CSMD1: variants seen among roughly 807,000 people sequenced by gnomAD.
CSMD1 encodes CUB and Sushi multiple domains 1, also known as CUB and sushi domain-containing protein 1.
Under a neutral mutation model 417.5 loss-of-function variants are expected in CSMD1, and 213 were observed. The ratio of observed to expected loss-of-function variants is 0.51; its 90% confidence interval spans 0.46 to 0.57. The LOEUF (loss-of-function observed/expected upper bound fraction) is 0.57, where lower values mean the gene tolerates loss of function less well. CSMD1 is among the 20% of genes least tolerant of loss of function. The probability of loss-of-function intolerance (pLI) is 0.00; values close to 1 mark genes in which losing one functional copy is unlikely to be tolerated. For missense variants in CSMD1, 6,923 were observed against 4,529.7 expected (o/e 1.53, Z -15.17); for synonymous variants, 2,862 against 1,736.8 (o/e 1.65, Z -16.11).
chr8:4,787,773 A>G, intron 1 of CSMD1: 5 of 1,579,444 alleles, frequency 3.2e-6, no homozygotes, highest in South Asian at 1.1e-5. Context: ...GCTTCGCTGG[A>G]CTTGTTACAG....
chr8:4,348,689 C>T (rs1223519719), intron 3 of CSMD1, among the ~76,000 whole-genome samples: 4 of 151,536 alleles, frequency 2.6e-5, no homozygotes, highest in Admixed American at 6.6e-5. Flanking sequence ...CGTACATATC[C>T]GCTTAAGTGA....
intron 3 of CSMD1, among the ~76,000 whole-genome samples, chr8:4,182,184 T>C (rs1213563440): frequency 6.6e-6 from 1 of 152,128 alleles, no homozygotes; most frequent in Non-Finnish European, 1.5e-5. Context: ...ATTAGTTTTC[T>C]GATTAGGTTC....
rs1804575000 is a variant in CSMD1 at position 4,897,504 on chromosome 8, C to T, written c.85+96828G>A. Among the ~76,000 whole-genome samples, 5 of 152,000 alleles carry T rather than the reference C, an allele frequency of 3.3e-5. No individual in the cohort carries two copies. In the South Asian group the frequency reaches 1.0e-3, roughly 31 times the overall value. Reference sequence around the variant, plus strand: ...GGGTTGCTGTAGACCCTGGCTATAACCTCTCATATCCTATTCGGTGACAAA... The same window carrying T: ...GGGTTGCTGTAGACCCTGGCTATAATCTCTCATATCCTATTCGGTGACAAA... On this transcript the variant is annotated intron_variant, in intron 1 of 69. Coordinates refer to ENST00000635120, the MANE Select transcript of CSMD1 (RefSeq NM_033225.6).
intron 52 of CSMD1, among the ~76,000 whole-genome samples, chr8:3,012,708 A>C (rs1205056903): frequency 6.6e-6 from 1 of 152,206 alleles, no homozygotes; most frequent in Non-Finnish European, 1.5e-5. Flanking sequence ...TCTTGTTTGG[A>C]AGATCCACCT....
intron 1 of CSMD1, among the ~76,000 whole-genome samples, chr8:4,943,797 C>G (rs140112157): frequency 5.9e-5 from 9 of 152,102 alleles, no homozygotes; most frequent in African/African-American, 2.2e-4. Context: ...TAGAAAAAAT[C>G]CCTTATGAAC....
rs370890537 is a variant in CSMD1 at position 4,858,650 on chromosome 8, G to A, written c.85+135682C>T. 9.2e-5 allele frequency among the ~76,000 whole-genome samples: 14 copies of A among 151,872 alleles called. No individual in the cohort carries two copies. In the East Asian group the frequency reaches 1.7e-3, roughly 19 times the overall value. ...ACAAACAGAGAGCCAAATCACGAGT[G>A]AACTCCCATTCACAATTGCTTCAAA... On this transcript the variant is annotated intron_variant, in intron 1 of 69. Coordinates refer to ENST00000635120, the MANE Select transcript of CSMD1 (RefSeq NM_033225.6).
chr8:4,746,406 C>T (rs1810955000), intron 1 of CSMD1, among the ~76,000 whole-genome samples: 2 of 152,184 alleles, frequency 1.3e-5, no homozygotes, highest in South Asian at 2.1e-4. Context: ...CATTTTAAGG[C>T]AAATGCAGCA....
In CSMD1 at chr8:3,768,492, G is replaced by A. The variant is rs558117017; in HGVS notation, c.819-14450C>T. Among the ~76,000 whole-genome samples, 12 of 152,132 alleles carry A rather than the reference G, an allele frequency of 7.9e-5. No individual in the cohort carries two copies. In the South Asian group the frequency reaches 2.5e-3, roughly 32 times the overall value. ...TTTTTTCTGAAAATTTCTAGTTTAT[G>A]CCATAAACAAGAATATAAAATAGCA... On this transcript the variant is annotated intron_variant, in intron 5 of 69. Transcript: ENST00000635120.
At chr8:3,569,646 T>C (rs1440695072) in intron 10 of CSMD1, among the ~76,000 whole-genome samples, 2 of 152,218 alleles carry the variant, frequency 1.3e-5, no homozygotes, top group Non-Finnish European at 2.9e-5. Context: ...TGTTTCTCTT[T>C]TCTCTTATGT....
intron 1 of CSMD1, among the ~76,000 whole-genome samples, chr8:4,906,505 G>GT (rs1805286938): frequency 1.3e-5 from 2 of 151,908 alleles, no homozygotes. Flanking sequence ...CACACACTTT[G>GT]TTTTTCAGTT....
chr8:3,385,455 C>T (rs1241399174), intron 18 of CSMD1, among the ~76,000 whole-genome samples: 2 of 151,612 alleles, frequency 1.3e-5, no homozygotes, highest in South Asian at 2.1e-4. Context: ...CTGATTGTTG[C>T]TAAAAGTCAA....
At chr8:4,484,071 G>C (rs1192903483) in intron 2 of CSMD1, among the ~76,000 whole-genome samples, 2 of 152,066 alleles carry the variant, frequency 1.3e-5, no homozygotes, top group South Asian at 4.1e-4. Context: ...CTCAGCATCA[G>C]TTCAAAATGA....
chr8:4,287,188 T>C (rs188216031), intron 3 of CSMD1, among the ~76,000 whole-genome samples: 1 of 152,354 alleles, frequency 6.6e-6, no homozygotes, highest in East Asian at 1.9e-4. Context: ...CTAAACAGTT[T>C]AATTTTACTC....
intron 2 of CSMD1, among the ~76,000 whole-genome samples, chr8:4,462,928 T>A (rs551114267): frequency 6.6e-6 from 1 of 152,210 alleles, no homozygotes; most frequent in African/African-American, 2.4e-5. Context: ...AGATATGACA[T>A]CAAAAGCACA....
intron 1 of CSMD1, among the ~76,000 whole-genome samples, chr8:4,730,136 G>A (rs1336935561): frequency 9.9e-5 from 15 of 152,038 alleles, no homozygotes; most frequent in Non-Finnish European, 1.0e-4. Context: ...AGAAGTACTT[G>A]GAGAGATTCC....
chr8:4,253,203 G>A (rs879361045), intron 3 of CSMD1, among the ~76,000 whole-genome samples: 23 of 151,980 alleles, frequency 1.5e-4, no homozygotes, highest in African/African-American at 3.1e-4. Flanking sequence ...CTACGATCCC[G>A]CCCCATTCCT....
Position 4,227,248 on chromosome 8 carries a change from G to A in CSMD1, c.415+192705C>T, listed in dbSNP as rs369519799. The stretch of plus-strand genomic sequence containing the variant: ...CCGATGAGAATCATTAACCTCATTA[G>A]CAACATGGACGAGCAAGATGGCGAC... On this transcript the variant is annotated intron_variant, in intron 3 of 69. Transcript: ENST00000635120. 6.2e-4 allele frequency among the ~76,000 whole-genome samples: 94 copies of A among 152,244 alleles called. 3 individuals are homozygous for A. In the South Asian group the frequency reaches 0.018, roughly 30 times the overall value.
rs149230844 is a variant in CSMD1 at position 4,075,782 on chromosome 8, C to G, written c.416-43683G>C. ...ATTTTTCCACCCTAGCCAGGTTTCT[C>G]AAGAGGTTGTGATGACAGAGCAGTC... On this transcript the variant is annotated intron_variant, in intron 3 of 69. Transcript: ENST00000635120. Among the ~76,000 whole-genome samples the G allele has an allele frequency of 7.2e-5, 11 of 152,170 alleles. 1 individual carries two copies. In the East Asian group the frequency reaches 1.9e-3, roughly 27 times the overall value.
chr8:3,748,384 A>G (rs1380008921), intron 6 of CSMD1, among the ~76,000 whole-genome samples: 1 of 152,194 alleles, frequency 6.6e-6, no homozygotes, highest in African/African-American at 2.4e-5. Context: ...ACAAGATAGC[A>G]AGGGAGGTCC....
Sources: gnomAD v4.1 joint callset for allele counts (sites outside exome capture counted in the v4.1 genomes callset) on GRCh38, gnomAD v4.1.1 for gene constraint, MANE v1.5 for transcripts, NCBI Gene and HGNC (gene_info 2026-07-23, HGNC 2026-07-21) for gene names.